P4HA1: variants seen among roughly 807,000 people sequenced by gnomAD.
The protein encoded by P4HA1 is prolyl 4-hydroxylase subunit alpha 1.
In P4HA1, 24 loss-of-function variants were observed where a neutral mutation model predicts 72.8. The ratio of observed to expected loss-of-function variants is 0.33; its 90% confidence interval spans 0.24 to 0.46. The LOEUF is 0.46. P4HA1 is among the 20% of genes least tolerant of loss of function. The pLI is 1.00. For synonymous variants in P4HA1, 201 were observed against 218.8 expected, an observed-to-expected ratio of 0.92 and a Z score of 0.72; for missense variants, 446 against 640.6, an observed-to-expected ratio of 0.70 and a Z score of 3.28.
Position 73,051,195 on chromosome 10 carries a change from G to C in P4HA1, c.758C>G (p.Ala253Gly), listed in dbSNP as rs763105075. Residue 253 changes from alanine to glycine, a missense_variant, in exon 7 of 15, where the codon GCT (alanine) becomes GGT (glycine). Transcript: ENST00000394890. ...AGACTTATTGACATCTTTTTCTTTA[G>C]CCATTATATACTCAAAATATTTTAA... ...GNLKYFEYIM[A>G]KEKDVNKSAS... 1 of 1,607,094 alleles carries C rather than the reference G, an allele frequency of 6.2e-7. No homozygotes were observed. The highest frequency in any genetic ancestry group is 1.1e-5 in the South Asian group (1 of 90,884).
chr10:73,034,819 A>C (rs1177986534), intron 9 of P4HA1, among the ~76,000 whole-genome samples: 1 of 151,974 alleles, frequency 6.6e-6, no homozygotes, highest in African/African-American at 2.4e-5. Flanking sequence ...GGACTCAGGC[A>C]ATCTGCCTGC....
intron 5 of P4HA1, among the ~76,000 whole-genome samples, chr10:73,061,846 A>C (rs9787516): frequency 0.16 from 24,333 of 152,056 alleles, 3,235 homozygotes; most frequent in African/African-American, 0.34. Flanking sequence ...CAGCAATAGC[A>C]CATCTCTGCA....
At chr10:73,077,750 G>A (rs1242371471) in intron 1 of P4HA1, among the ~76,000 whole-genome samples, 2 of 151,452 alleles carry the variant, frequency 1.3e-5, no homozygotes, top group Non-Finnish European at 2.9e-5. Context: ...GGAGGCCAAG[G>A]AAAGAGGATC....
At chr10:73,059,423 T>TAAAAAAAAAAAAAAAAAAAAAAAAAAAA (rs1564631461) in intron 5 of P4HA1, among the ~76,000 whole-genome samples, 1 of 47,580 alleles carries the variant, frequency 2.1e-5, no homozygotes, top group Non-Finnish European at 4.1e-5. Flanking sequence ...GACAATATAT[T>TAAAAAAAAAAAAAAAAAAAAAAAAAAAA]TAAAAAAAAA....
intron 5 of P4HA1, among the ~76,000 whole-genome samples, chr10:73,055,698 CAT>C (rs1564630386): frequency 1.3e-5 from 2 of 152,288 alleles, no homozygotes; most frequent in East Asian, 3.9e-4. Context: ...TGATAGTTCA[CAT>C]GAGATAAAAT....
At chr10:73,077,861 CACCTGTGGTCCCAGCT>C (rs1195908473) in intron 1 of P4HA1, among the ~76,000 whole-genome samples, 1 of 150,318 alleles carries the variant, frequency 6.7e-6, no homozygotes, top group Non-Finnish European at 1.5e-5. Flanking sequence ...CGGTGGCATA[CACCTGTGGTCCCAGCT>C]ACTTGGGAGG....
Position 73,007,886 on chromosome 10 carries a change from A to G in P4HA1, c.*336T>C, listed in dbSNP as rs1002732597. The G allele has an allele frequency of 1.0e-5, 2 of 197,852 alleles. No individual in the cohort carries two copies. The highest frequency in any genetic ancestry group is 1.1e-5 in the Non-Finnish European group (1 of 95,228). The allele number at this position is 197,852 out of a possible 1,614,324, so 12.3% of individuals were successfully genotyped here. ...GCCCATTCTAGCTTAACACCCACCA[A>G]CTGAGATGTAGTGAAATACTAAAAC... On this transcript the variant is annotated 3_prime_UTR_variant, in exon 15 of 15. Transcript: ENST00000394890.
intron 10 of P4HA1, among the ~76,000 whole-genome samples, chr10:73,019,089 G>A (rs1840075067): frequency 6.6e-6 from 1 of 152,038 alleles, no homozygotes; most frequent in African/African-American, 2.4e-5. Flanking sequence ...GGGAAAACAA[G>A]AATGGAAGGA....
chr10:73,044,460 C>G (rs1305273395), intron 9 of P4HA1, among the ~76,000 whole-genome samples: 1 of 152,006 alleles, frequency 6.6e-6, no homozygotes, highest in African/African-American at 2.4e-5. Flanking sequence ...TTTGAGTCAG[C>G]GAATTTTTTT....
At chr10:73,085,885 T>C (rs372877910) in intron 1 of P4HA1, among the ~76,000 whole-genome samples, 4 of 152,270 alleles carry the variant, frequency 2.6e-5, no homozygotes, top group African/African-American at 9.6e-5. Flanking sequence ...TCTATCTACT[T>C]GGGAGACTGA....
chr10:73,094,604 T>G (rs1842121397), intron 1 of P4HA1, among the ~76,000 whole-genome samples: 1 of 152,224 alleles, frequency 6.6e-6, no homozygotes, highest in Admixed American at 6.5e-5. Flanking sequence ...AAGCATTCCT[T>G]CCACAGAAAG....
intron 10 of P4HA1, among the ~76,000 whole-genome samples, chr10:73,029,215 C>G (rs554621640): frequency 1.3e-5 from 2 of 151,984 alleles, no homozygotes; most frequent in African/African-American, 4.8e-5. Context: ...AGTTCAAGAG[C>G]AGCCTGGCCA....
At chr10:73,093,975 C>T (rs1347896356) in intron 1 of P4HA1, among the ~76,000 whole-genome samples, 6 of 139,864 alleles carry the variant, frequency 4.3e-5, no homozygotes, top group East Asian at 2.1e-4. Context: ...TATTTATACA[C>T]ACACAACACA....
At chr10:73,093,893 T>A (rs1279016884) in intron 1 of P4HA1, among the ~76,000 whole-genome samples, 11 of 83,236 alleles carry the variant, frequency 1.3e-4, no homozygotes, top group African/African-American at 4.2e-4. Flanking sequence ...TATATATATA[T>A]ATATATATAT....
intron 9 of P4HA1, 137 bp downstream of exon 9, chr10:73,044,844 G>A: frequency 1.8e-6 from 1 of 561,578 alleles, no homozygotes; most frequent in Non-Finnish European, 3.1e-6. Context: ...GTTTATCCAT[G>A]CGTTATCCTG....
intron 9 of P4HA1, among the ~76,000 whole-genome samples, chr10:73,037,575 T>A (rs868651247): frequency 2.0e-3 from 167 of 85,486 alleles, no homozygotes; most frequent in African/African-American, 6.0e-3. Flanking sequence ...ATATATATTT[T>A]TTTTTTTTTT....
At chr10:73,089,652 A>G (rs916679364) in intron 1 of P4HA1, among the ~76,000 whole-genome samples, 3 of 151,960 alleles carry the variant, frequency 2.0e-5, no homozygotes, top group African/African-American at 7.2e-5. Context: ...AAAACTATGA[A>G]CACATAACAA....
At chr10:73,021,566 C>G (rs759487651) in intron 10 of P4HA1, among the ~76,000 whole-genome samples, 7 of 152,146 alleles carry the variant, frequency 4.6e-5, no homozygotes, top group Non-Finnish European at 1.0e-4. Context: ...AGACAAATAT[C>G]ACATGTTCTC....
At chr10:73,062,988 C>CCCT (rs1020790689) in intron 5 of P4HA1, among the ~76,000 whole-genome samples, 5 of 151,700 alleles carry the variant, frequency 3.3e-5, no homozygotes, top group African/African-American at 1.2e-4. Context: ...TTTTCTGGCC[C>CCCT]CATTAGTCAC....
Sources: allele counts gnomAD v4.1 joint callset (sites outside exome capture counted in the v4.1 genomes callset), GRCh38; gene constraint gnomAD v4.1.1; transcripts MANE v1.5; gene names NCBI Gene and HGNC (gene_info 2026-07-23, HGNC 2026-07-21).